Variants in REXO1 observed in about 807,000 individuals in gnomAD.
The protein encoded by REXO1 is RNA exonuclease 1 homolog.
REXO1 carries 42 observed loss-of-function variants against 102.6 expected under a neutral mutation model. That is an observed-to-expected ratio of 0.41 (90% CI 0.32 to 0.53). REXO1 has a LOEUF of 0.53. Ranked by LOEUF, REXO1 falls within the 20% of genes least tolerant of loss-of-function variation. REXO1 has a pLI of 0.27. For missense variants in REXO1, 1,819 were observed against 1,732.5 expected, an observed-to-expected ratio of 1.05 and a Z score of -0.89; for synonymous variants, 908 against 779.1, an observed-to-expected ratio of 1.17 and a Z score of -2.76.
chr19:1,823,265 G>A (rs560678524), intron 4 of REXO1: 5 of 358,258 alleles, frequency 1.4e-5, no homozygotes, highest in East Asian at 4.1e-5. Context: ...CAGGTACCCC[G>A]ACATGGCTCC....
intron 1 of REXO1, among the ~76,000 whole-genome samples, chr19:1,838,711 A>G (rs1293267963): frequency 6.6e-6 from 1 of 151,568 alleles, no homozygotes; most frequent in African/African-American, 2.4e-5. Flanking sequence ...GGCAAAGGAC[A>G]AGAACCGGCA....
intron 1 of REXO1, among the ~76,000 whole-genome samples, chr19:1,835,214 G>A (rs2070006453): frequency 6.6e-6 from 1 of 152,160 alleles, no homozygotes; most frequent in Non-Finnish European, 1.5e-5. Flanking sequence ...CATGCTGCTA[G>A]GTGCCCTGGG....
rs73519114 is a variant in REXO1, at chr19:1,831,285, C to T, written c.158-2654G>A. Among the ~76,000 whole-genome samples, 768 of 152,352 alleles carry T rather than the reference C, an allele frequency of 5.0e-3. 10 individuals carry two copies. Among genetic ancestry groups the T allele is most frequent in the African/African-American group, 0.018 (735 of 41,576 alleles). ...GACGCCACTTGGCTCTGACTTGATT[C>T]TGACTGAACGTGCAGCTTGTCTGAA... On this transcript the variant is annotated intron_variant, in intron 1 of 15. Coordinates refer to ENST00000170168, the MANE Select transcript of REXO1 (RefSeq NM_020695.4).
At chr19:1,844,530 G>A (rs2011448886) in intron 1 of REXO1, among the ~76,000 whole-genome samples, 1 of 152,182 alleles carries the variant, frequency 6.6e-6, no homozygotes, top group South Asian at 2.1e-4. Context: ...TAGATACTGG[G>A]TACACAGTGG....
intron 1 of REXO1, among the ~76,000 whole-genome samples, chr19:1,836,702 C>T (rs1431843455): frequency 2.7e-5 from 4 of 146,624 alleles, no homozygotes; most frequent in African/African-American, 7.6e-5. Flanking sequence ...GCCAAGATTA[C>T]GCCATCGCAC....
chr19:1,822,062 C>A, intron 4 of REXO1: 1 of 480,288 alleles, frequency 2.1e-6, no homozygotes, highest in Non-Finnish European at 3.6e-6. Flanking sequence ...CCCTGCCCTG[C>A]GGCCTCTGTG....
chr19:1,843,092 G>C (rs1350694836), intron 1 of REXO1, among the ~76,000 whole-genome samples: 1 of 152,156 alleles, frequency 6.6e-6, no homozygotes, highest in Non-Finnish European at 1.5e-5. Flanking sequence ...GTAGGAGTGT[G>C]GGGGAGGGCT....
Position 1,827,532 on chromosome 19 carries a change from C to A in REXO1, c.1257G>T (p.Gln419His), listed in dbSNP as rs779860498. Residue 419 changes from glutamine (Q) to histidine (H), a missense_variant, in exon 2 of 16, where the codon CAG becomes CAT. Coordinates refer to ENST00000170168, the MANE Select transcript of REXO1 (RefSeq NM_020695.4). ...EKPRADKKGP[Q>H]ASSPRRKAER... The stretch of plus-strand genomic sequence containing the variant: ...CTGCCTTGCGCCGGGGGCTGCTGGC[C>A]TGCGGGCCCTTCTTGTCCGCACGGG... 6.3e-7 allele frequency: 1 copy of A among 1,586,464 alleles called. No individual in the cohort carries two copies. The highest frequency in any genetic ancestry group is 2.2e-5 in the East Asian group (1 of 44,580).
At chr19:1,825,263 G>A (rs1245987927) in intron 3 of REXO1, among the ~76,000 whole-genome samples, 1 of 133,204 alleles carries the variant, frequency 7.5e-6, no homozygotes, top group African/African-American at 2.8e-5. Flanking sequence ...TCGTGCCACT[G>A]CACTCCAGCC....
At chr19:1,837,233 G>T (rs563961503) in intron 1 of REXO1, among the ~76,000 whole-genome samples, 1 of 152,210 alleles carries the variant, frequency 6.6e-6, no homozygotes, top group Non-Finnish European at 1.5e-5. Context: ...GCGGACGGCA[G>T]AGTAACCATA....
chr19:1,831,114 T>C (rs897434851), intron 1 of REXO1, among the ~76,000 whole-genome samples: 3 of 152,086 alleles, frequency 2.0e-5, no homozygotes, highest in African/African-American at 7.2e-5. Context: ...GTACAGCAAA[T>C]GCAATCTGGC....
At chr19:1,845,018 G>A (rs2011474014) in intron 1 of REXO1, among the ~76,000 whole-genome samples, 1 of 152,160 alleles carries the variant, frequency 6.6e-6, no homozygotes, top group African/African-American at 2.4e-5. Context: ...GGAAGACAGT[G>A]TCCTGCCTCT....
intron 1 of REXO1, among the ~76,000 whole-genome samples, chr19:1,838,678 A>AT (rs2011178089): frequency 6.6e-6 from 1 of 151,790 alleles, no homozygotes; most frequent in African/African-American, 2.4e-5. Context: ...AAAAAAAAAA[A>AT]ACTGAAACAG....
Position 1,820,374 on chromosome 19 carries a change from G to A in REXO1, c.2416C>T (p.Pro806Ser), listed in dbSNP as rs369983700. The part of the protein sequence containing the change: ...SLQSLKKPII[P>S]KEFGGKVPTV... ...GGGACTTTGCCCCCAAACTCTTTGG[G>A]GATAATGGGTTTCTTTAAACTCTAG... The change falls in exon 6 of 16, where the codon CCC becomes TCC. Residue 806 changes from proline (P) to serine (S), a missense_variant. By Grantham distance (74) the Pro-to-Ser change is moderately conservative. Coordinates refer to ENST00000170168, the MANE Select transcript of REXO1 (RefSeq NM_020695.4). 7.4e-6 allele frequency: 12 copies of A among 1,613,632 alleles called. No individual in the cohort carries two copies. Among genetic ancestry groups the A allele is most frequent in the Non-Finnish European group, 8.5e-6 (10 of 1,179,892 alleles).
intron 1 of REXO1, among the ~76,000 whole-genome samples, chr19:1,832,401 C>T (rs1021153510): frequency 1.3e-5 from 2 of 152,222 alleles, no homozygotes; most frequent in African/African-American, 2.4e-5. Flanking sequence ...AAAACAGCTG[C>T]CCGCTGCCTG....
chr19:1,837,668 G>A (rs1308626458), intron 1 of REXO1, among the ~76,000 whole-genome samples: 4 of 152,140 alleles, frequency 2.6e-5, no homozygotes, highest in Admixed American at 6.5e-5. Context: ...CGGCACCTGG[G>A]GTCTACCCCA....
intron 4 of REXO1, chr19:1,822,146 T>C (rs965330615): frequency 5.4e-6 from 2 of 371,370 alleles, no homozygotes; most frequent in South Asian, 9.4e-5. Context: ...TTCGGAGGGC[T>C]GGCCACGCGG....
chr19:1,832,573 AC>A (rs1474065170), intron 1 of REXO1, among the ~76,000 whole-genome samples: 1 of 152,152 alleles, frequency 6.6e-6, no homozygotes, highest in Non-Finnish European at 1.5e-5. Flanking sequence ...CTTTAAAATT[AC>A]ATTTAGGGAC....
chr19:1,822,222 G>A (rs1054918615), intron 4 of REXO1: 1 of 237,656 alleles, frequency 4.2e-6, no homozygotes, highest in Non-Finnish European at 8.0e-6. Context: ...GCTCGGCACC[G>A]ACCCAGGAAG....
Sources: allele counts gnomAD v4.1 joint callset (sites outside exome capture counted in the v4.1 genomes callset), GRCh38; gene constraint gnomAD v4.1.1; transcripts MANE v1.5; gene names NCBI Gene and HGNC (gene_info 2026-07-23, HGNC 2026-07-21).